Variants in WNK2 observed in about 807,000 individuals in gnomAD.
WNK2 encodes the protein serine/threonine-protein kinase WNK2.
A neutral mutation model predicts 192.1 loss-of-function variants in WNK2; 67 were observed. The ratio of observed to expected loss-of-function variants is 0.35; its 90% CI spans 0.29 to 0.43. WNK2 has a LOEUF of 0.43. Ranked by LOEUF, WNK2 falls within the 20% of genes least tolerant of loss-of-function variation. The probability of loss-of-function intolerance (pLI) is 1.00; values close to 1 mark genes in which losing one functional copy is unlikely to be tolerated. For missense variants in WNK2, 2,698 were observed against 3,089.7 expected (o/e 0.87, Z 3.01); for synonymous variants, 1,439 against 1,393.9 (o/e 1.03, Z -0.72).
intron 19 of WNK2, among the ~76,000 whole-genome samples, chr9:93,273,125 C>T (rs2133359776): frequency 6.6e-6 from 1 of 152,272 alleles, no homozygotes; most frequent in Non-Finnish European, 1.5e-5. Flanking sequence ...AAAGAAATTA[C>T]CAGGGTTAAA....
chr9:93,225,090 ACT>A (rs1837589441), intron 2 of WNK2, among the ~76,000 whole-genome samples: 1 of 152,128 alleles, frequency 6.6e-6, no homozygotes, highest in Admixed American at 6.6e-5. Flanking sequence ...AGGGGGACAC[ACT>A]AACCGACTGT....
chr9:93,222,083 C>T (rs548087932), intron 2 of WNK2, among the ~76,000 whole-genome samples: 52 of 150,460 alleles, frequency 3.5e-4, no homozygotes, highest in Non-Finnish European at 6.1e-4. Context: ...GGGTGAGTAC[C>T]GGTGTGTATG....
Position 93,256,233 on chromosome 9 carries a change from C to T in WNK2, c.2035-66C>T. 3.5e-6 allele frequency: 5 copies of T among 1,419,806 alleles called. No individual in the cohort carries two copies. In the East Asian group the frequency reaches 8.0e-5, roughly 23 times the overall value. 88.0% of individuals were successfully genotyped at this position (1,419,806 alleles called of 1,614,324 possible). A position where few individuals can be genotyped will look rare whatever the true frequency, so the allele number is the denominator to read the frequency against. ...CAGGGATGACATGAGGCTACCCTGC[C>T]CCTGCCCAGGAGGGGGCCTGGTGGC... On this transcript the variant is annotated intron_variant, in intron 9 of 29. Transcript: ENST00000427277.
chr9:93,262,018 C>A lies in WNK2; in HGVS notation c.3271C>A (p.Leu1091Met), dbSNP rs766652547. 1.2e-6 allele frequency: 2 copies of A among 1,611,698 alleles called. No individual in the cohort carries two copies. The highest frequency in any genetic ancestry group is 1.7e-6 in the Non-Finnish European group (2 of 1,179,278). The change falls in exon 13 of 30, where the codon CTG becomes ATG. Residue 1091 changes from leucine (L) to methionine (M), a missense_variant. Leu to Met is a conservative substitution (Grantham distance 15). Around this residue, in one of 7 missense-constraint regions of WNK2, gnomAD observed 893 missense variants for 909.0 expected, o/e 0.98. Transcript: ENST00000427277. The stretch of plus-strand genomic sequence containing the variant: ...TGTGCCCACCCAGACTGCCACACTT[C>A]TGCCACCAGCAAACCCACCGCTGCC... The part of the protein sequence containing the change: ...QSVPTQTATL[L>M]PPANPPLPGG...
chr9:93,258,842 C>T, intron 11 of WNK2, 89 bp from the exon 12 acceptor site: 7 of 1,202,578 alleles, frequency 5.8e-6, no homozygotes, highest in Middle Eastern at 3.9e-4. Context: ...CCCCTCGTCC[C>T]CAATGACTGT....
chr9:93,199,321 G>A (rs936847505), intron 2 of WNK2, among the ~76,000 whole-genome samples: 2 of 152,180 alleles, frequency 1.3e-5, no homozygotes, highest in African/African-American at 2.4e-5. Flanking sequence ...GATAGTCCTG[G>A]GCTCTGGACC....
chr9:93,278,067 G>A (rs1847206719), intron 19 of WNK2, among the ~76,000 whole-genome samples: 1 of 152,028 alleles, frequency 6.6e-6, no homozygotes, highest in Non-Finnish European at 1.5e-5. Context: ...TCAAGGCTTC[G>A]AACATCAGTC....
rs138860409 is a variant in WNK2 at position 93,292,564 on chromosome 9, C to T, written c.5099C>T (p.Ser1700Leu). The T allele has an allele frequency of 4.5e-5, 70 of 1,568,554 alleles. No individual in the cohort carries two copies. In the Admixed American group the frequency reaches 6.9e-4, roughly 15 times the overall value. Residue 1700 changes from serine (S) to leucine (L), a missense_variant, in exon 23 of 30, where the codon TCG (serine) becomes TTG (leucine). Ser to Leu is a moderately radical substitution (Grantham distance 145). This residue lies in a region of WNK2 where 1,098 missense variants were observed against 1,101.0 expected (regional missense o/e 1.00). Coordinates refer to ENST00000427277, the MANE Select transcript of WNK2 (RefSeq NM_006648.4). ...DRDGGEAGES[S>L]AEPPPSDMGT... ...GATGGTGGAGAAGCTGGAGAAAGCTCGGCAGAGCCCCCGCCGAGTGACATG... is the reference window on the plus strand; with the variant it reads ...GATGGTGGAGAAGCTGGAGAAAGCTTGGCAGAGCCCCCGCCGAGTGACATG...
At position 93,247,883 on chromosome 9, in the gene WNK2, T is replaced by G. The variant is rs1239769263; in HGVS notation, c.1834+49T>G. On this transcript the variant is annotated intron_variant, in intron 8 of 29. Coordinates refer to ENST00000427277, the MANE Select transcript of WNK2 (RefSeq NM_006648.4). The surrounding 1 kb of genome is among the most constrained non-coding windows in gnomAD (Gnocchi z 5.2). ...CCATGGGCACCCCTCCCACCTACCC[T>G]GCAAAAACCAGCTATTGGGCAAAGA... is the stretch of plus-strand genomic sequence containing the variant. 6 of 1,505,956 alleles carry G rather than the reference T, an allele frequency of 4.0e-6. No individual in the cohort carries two copies. The highest frequency in any genetic ancestry group is 2.4e-4 in the Middle Eastern group (1 of 4,246). The allele number at this position is 1,505,956 out of a possible 1,614,324, so 93.3% of individuals were successfully genotyped here.
At chr9:93,238,172 G>A (rs563127403) in intron 5 of WNK2, 61 bp from the exon 6 acceptor site, 2 of 1,490,664 alleles carry the variant, frequency 1.3e-6, no homozygotes, top group African/African-American at 1.4e-5. Flanking sequence ...CTCCCACTGT[G>A]GTGGAGGCCT....
chr9:93,206,119 G>A (rs1563983611), intron 2 of WNK2, among the ~76,000 whole-genome samples: 1 of 152,208 alleles, frequency 6.6e-6, no homozygotes, highest in Non-Finnish European at 1.5e-5. Context: ...GTGCCTGAGG[G>A]GCATGCGGGG....
rs1829018275 is a variant in WNK2, at chr9:93,184,954, G to T, written c.25G>T (p.Asp9Tyr). 1 of 1,205,078 alleles carries T rather than the reference G, an allele frequency of 8.3e-7. No homozygotes were observed. 74.6% of individuals were successfully genotyped at this position (1,205,078 alleles called of 1,614,324 possible). The change falls in exon 2 of 30, where the codon GAC (aspartate) becomes TAC (tyrosine). Residue 9 changes from aspartate to tyrosine, a missense_variant. Physicochemically the swap from Asp to Tyr is radical, Grantham distance 160. Coordinates refer to ENST00000427277, the MANE Select transcript of WNK2 (RefSeq NM_006648.4). MDGDGGRRDVPGTLMEPGR... is the reference protein window; with the variant it reads MDGDGGRRYVPGTLMEPGR... ...GATGGACGGCGATGGCGGCCGCCGA[G>T]ACGTCCCCGGCACGCTGATGGAGCC... is the stretch of plus-strand genomic sequence containing the variant.
chr9:93,209,521 GA>G, intron 2 of WNK2, among the ~76,000 whole-genome samples: 1 of 152,186 alleles, frequency 6.6e-6, no homozygotes, highest in Non-Finnish European at 1.5e-5. Context: ...CCTTAATTTG[GA>G]ACATCTGGGA....
chr9:93,251,593 C>G (rs893394889), intron 8 of WNK2, among the ~76,000 whole-genome samples: 1 of 152,124 alleles, frequency 6.6e-6, no homozygotes, highest in Non-Finnish European at 1.5e-5. Context: ...GCCTGTAGTT[C>G]TAGCTACTCA....
chr9:93,308,280 G>A, intron 27 of WNK2, 48 bp from the exon 28 acceptor site: 4 of 1,526,684 alleles, frequency 2.6e-6, no homozygotes, highest in Non-Finnish European at 3.5e-6. Context: ...CTGGGGGCCT[G>A]GGTGCGTGTG....
At chr9:93,214,258 G>GT (rs1835293589) in intron 2 of WNK2, among the ~76,000 whole-genome samples, 1 of 151,506 alleles carries the variant, frequency 6.6e-6, no homozygotes. Context: ...GAGATTAATA[G>GT]TTTTTTTCTT....
At chr9:93,225,176 G>T (rs935349990) in intron 2 of WNK2, among the ~76,000 whole-genome samples, 1 of 152,194 alleles carries the variant, frequency 6.6e-6, no homozygotes, top group African/African-American at 2.4e-5. Context: ...AAGGCAGGAG[G>T]ATCTGTTGAG....
chr9:93,271,234 A>C (rs755009180), intron 19 of WNK2, among the ~76,000 whole-genome samples: 1 of 152,242 alleles, frequency 6.6e-6, no homozygotes, highest in Non-Finnish European at 1.5e-5. Context: ...GGCGGGTTGC[A>C]ACTCGCAGTC....
intron 28 of WNK2, 65 bp from the exon 29 acceptor site, chr9:93,317,455 C>A: frequency 6.5e-7 from 1 of 1,536,868 alleles, no homozygotes. Flanking sequence ...CCCTGGGGGC[C>A]ACTAAGGGAG....
Sources: gnomAD v4.1 joint callset for allele counts (sites outside exome capture counted in the v4.1 genomes callset) on GRCh38, gnomAD v4.1.1 for gene constraint, gnomAD v4.1.1 regional missense constraint, Gnocchi (gnomAD v3.1) non-coding constraint, MANE v1.5 for transcripts, NCBI Gene and HGNC (gene_info 2026-07-23, HGNC 2026-07-21) for gene names.